Variants in PDSS1 observed in about 807,000 individuals in gnomAD.
The protein encoded by PDSS1 is all trans-polyprenyl-diphosphate synthase PDSS1.
In PDSS1, 43 loss-of-function variants were observed where a neutral mutation model predicts 57.5. The observed-to-expected ratio is 0.75, with a 90% CI of 0.59 to 0.96. The LOEUF is 0.96. Ranked by LOEUF, PDSS1 falls within the 50% of genes least tolerant of loss-of-function variation. PDSS1 has a pLI of 0.00. For missense variants in PDSS1, 438 were observed against 527.8 expected, an observed-to-expected ratio of 0.83 and a Z score of 1.67; for synonymous variants, 175 against 191.3, an observed-to-expected ratio of 0.91 and a Z score of 0.70.
chr10:26,705,454 T>C, intron 4 of PDSS1, 60 bp downstream of exon 4: 2 of 696,420 alleles, frequency 2.9e-6, no homozygotes, highest in Non-Finnish European at 4.7e-6. Flanking sequence ...ACTAAAATTT[T>C]ATTTTATTTT....
At chr10:26,743,664 T>A (rs1036192688) in intron 11 of PDSS1, among the ~76,000 whole-genome samples, 6 of 152,154 alleles carry the variant, frequency 3.9e-5, no homozygotes, top group African/African-American at 1.2e-4. Context: ...AGAGGGAAGT[T>A]AATAGTAGCA....
intron 10 of PDSS1, chr10:26,740,711 A>G (rs1588708498): frequency 2.2e-6 from 1 of 456,396 alleles, no homozygotes; most frequent in Admixed American, 2.4e-5. Context: ...AACACATCTT[A>G]CCTCTTCCGT....
At chr10:26,735,080 C>T (rs1032301297) in intron 8 of PDSS1, among the ~76,000 whole-genome samples, 160 bp from the exon 9 acceptor site, 7 of 152,166 alleles carry the variant, frequency 4.6e-5, no homozygotes, top group African/African-American at 1.7e-4. Context: ...ACTGGAAATG[C>T]GGTTTTGTAC....
chr10:26,705,803 G>C (rs2477296), intron 4 of PDSS1, among the ~76,000 whole-genome samples: 108,781 of 152,118 alleles, frequency 0.72, 39,243 homozygotes, highest in East Asian at 0.97. Flanking sequence ...AATCTTGATT[G>C]ACGTATGGTC....
chr10:26,705,758 AG>A lies in PDSS1; in HGVS notation c.336+365del, dbSNP rs1383607334. ...CAAAGTGCTGGGATTACAAAAAAAC[AG>A]TGCAGGTTTTCAGATCTGTACAATG... On this transcript the variant is annotated intron_variant, in intron 4 of 11. Transcript: ENST00000376215. Among the ~76,000 whole-genome samples the A allele has an allele frequency of 1.2e-4, 19 of 152,206 alleles. 1 individual carries two copies. The highest frequency in any genetic ancestry group is 3.3e-4 in the Admixed American group (5 of 15,282).
At chr10:26,709,792 T>G in intron 5 of PDSS1, 24 bp downstream of exon 5, 15 of 1,612,216 alleles carry the variant, frequency 9.3e-6, no homozygotes, top group Non-Finnish European at 1.3e-5. Flanking sequence ...TTCATTCCTT[T>G]CTTGTTTTTA....
chr10:26,730,113 G>T (rs539639266), intron 8 of PDSS1, among the ~76,000 whole-genome samples: 2 of 151,160 alleles, frequency 1.3e-5, no homozygotes, highest in Non-Finnish European at 3.0e-5. Context: ...GGGGTTTCAT[G>T]GTGTTAGCCA....
At chr10:26,717,822 C>T (rs1483043920) in intron 5 of PDSS1, 7 of 151,864 alleles carry the variant, frequency 4.6e-5, no homozygotes, top group African/African-American at 1.7e-4. Context: ...CTGAAATTCA[C>T]TTGCAAAAAT....
At chr10:26,699,828 G>C (rs941810447) in intron 1 of PDSS1, among the ~76,000 whole-genome samples, 1 of 152,200 alleles carries the variant, frequency 6.6e-6, no homozygotes, top group African/African-American at 2.4e-5. Flanking sequence ...GTGGACTCAT[G>C]ATGCCAAGAT....
At chr10:26,733,485 C>T (rs1231138021) in intron 8 of PDSS1, among the ~76,000 whole-genome samples, 1 of 152,122 alleles carries the variant, frequency 6.6e-6, no homozygotes, top group Non-Finnish European at 1.5e-5. Flanking sequence ...GGCCACCTGA[C>T]CCTTTATGGT....
chr10:26,738,463 C>T (rs902814996), intron 10 of PDSS1, among the ~76,000 whole-genome samples: 4 of 152,324 alleles, frequency 2.6e-5, no homozygotes, highest in African/African-American at 9.6e-5. Flanking sequence ...AGCTATGATA[C>T]CACACAGGCC....
At chr10:26,731,238 G>C (rs954789782) in intron 8 of PDSS1, among the ~76,000 whole-genome samples, 8 of 152,210 alleles carry the variant, frequency 5.3e-5, no homozygotes, top group African/African-American at 1.9e-4. Flanking sequence ...CTACTCGGGA[G>C]GCTGAGGCAC....
intron 1 of PDSS1, 121 bp from the exon 2 acceptor site, chr10:26,702,041 C>T (rs1408703316): frequency 2.4e-6 from 1 of 422,570 alleles, no homozygotes; most frequent in African/African-American, 2.0e-5. Context: ...TTTGGACTTG[C>T]ATGAGGCCTG....
At chr10:26,709,492 C>T (rs963364639) in intron 4 of PDSS1, 146 bp from the exon 5 acceptor site, 16 of 767,134 alleles carry the variant, frequency 2.1e-5, no homozygotes, top group East Asian at 5.3e-5. Context: ...ACCCGGGAGG[C>T]GGAGGTTACA....
intron 4 of PDSS1, among the ~76,000 whole-genome samples, chr10:26,706,524 C>T (rs984514632): frequency 3.9e-5 from 6 of 152,186 alleles, no homozygotes; most frequent in African/African-American, 1.2e-4. Flanking sequence ...CTTAGGAACT[C>T]CCCCAGACAT....
chr10:26,745,171 A>T (rs1171070721), intron 11 of PDSS1, among the ~76,000 whole-genome samples: 1 of 152,130 alleles, frequency 6.6e-6, no homozygotes, highest in Non-Finnish European at 1.5e-5. Context: ...CTCAAAAAAA[A>T]TTTAAAAAAA....
intron 8 of PDSS1, among the ~76,000 whole-genome samples, chr10:26,729,313 C>T (rs1305625110): frequency 3.8e-4 from 58 of 152,044 alleles, no homozygotes; most frequent in South Asian, 2.1e-4. Flanking sequence ...TGGGTGTCAT[C>T]GTTTCTAGAC....
intron 4 of PDSS1, among the ~76,000 whole-genome samples, chr10:26,707,971 A>G (rs1276750881): frequency 6.6e-6 from 1 of 152,192 alleles, no homozygotes; most frequent in Non-Finnish European, 1.5e-5. Context: ...GCCCCAGGCC[A>G]GGCAATTCCA....
At chr10:26,718,704 T>C (rs1278132123) in intron 5 of PDSS1, 1 of 140,126 alleles carries the variant, frequency 7.1e-6, no homozygotes, top group African/African-American at 2.7e-5. Flanking sequence ...GAGGTTGTAG[T>C]GAGCCGAGAT....
Sources: gnomAD v4.1 joint callset for allele counts (sites outside exome capture counted in the v4.1 genomes callset) on GRCh38, gnomAD v4.1.1 for gene constraint, MANE v1.5 for transcripts, NCBI Gene and HGNC (gene_info 2026-07-23, HGNC 2026-07-21) for gene names.